CCDC122: variants seen among roughly 807,000 people sequenced by gnomAD.
CCDC122 encodes coiled-coil domain containing 122.
CCDC122 carries 38 observed loss-of-function variants against 37.0 expected under a neutral mutation model. That is an observed-to-expected ratio of 1.03 (90% CI 0.79 to 1.35). The LOEUF is 1.35. Among genes scored for constraint, CCDC122 ranks in the 40% most tolerant of loss-of-function variants. The probability of loss-of-function intolerance (pLI) is 0.00; values close to 1 mark genes in which losing one functional copy is unlikely to be tolerated. For missense variants in CCDC122, 305 were observed against 310.0 expected, an observed-to-expected ratio of 0.98 and a Z score of 0.12; for synonymous variants, 83 against 95.6, an observed-to-expected ratio of 0.87 and a Z score of 0.77.
intron 4 of CCDC122, among the ~76,000 whole-genome samples, chr13:43,865,044 G>A (rs1242560295): frequency 6.6e-6 from 1 of 152,160 alleles, no homozygotes; most frequent in Non-Finnish European, 1.5e-5. Context: ...GGAGCGCCCA[G>A]AGACAGCATA....
rs1198256391 is a variant in CCDC122 at position 43,869,407 on chromosome 13, T to C, written c.-31A>G. 1.8e-5 allele frequency: 28 copies of C among 1,563,584 alleles called. No individual in the cohort carries two copies. Among genetic ancestry groups the C allele is most frequent in the Non-Finnish European group, 2.4e-5 (27 of 1,141,166 alleles). ...GTGTCTGTAATCTCTTTTCCCCTTT[T>C]TGATTTACCTTCTTTACTCCTACTC... On this transcript the variant is annotated 5_prime_UTR_variant, in exon 3 of 7. Transcript: ENST00000444614.
chr13:43,876,908 C>T (rs9567294), intron 1 of CCDC122, among the ~76,000 whole-genome samples: 2,778 of 152,084 alleles, frequency 0.018, 61 homozygotes, highest in East Asian at 0.075. Flanking sequence ...GTCAGGAGTT[C>T]GAGACCATCC....
At chr13:43,835,038 T>C (rs985146465), downstream of CCDC122, among the ~76,000 whole-genome samples, 3 of 151,984 alleles carry the variant, frequency 2.0e-5, no homozygotes, top group Non-Finnish European at 2.9e-5. Flanking sequence ...CTATTCACAA[T>C]AGCAAAGACT....
intron 6 of CCDC122, among the ~76,000 whole-genome samples, chr13:43,853,263 C>G (rs1953802888): frequency 6.6e-6 from 1 of 152,024 alleles, no homozygotes; most frequent in African/African-American, 2.4e-5. Flanking sequence ...CAATGACACA[C>G]ATAGGCTCAA....
intron 6 of CCDC122, among the ~76,000 whole-genome samples, chr13:43,848,452 G>A (rs1463967316): frequency 6.6e-6 from 1 of 151,812 alleles, no homozygotes; most frequent in Non-Finnish European, 1.5e-5. Flanking sequence ...AGAAACCACT[G>A]ATTGTTGCTC....
At chr13:43,850,608 A>G (rs911640370) in intron 6 of CCDC122, among the ~76,000 whole-genome samples, 28 of 152,226 alleles carry the variant, frequency 1.8e-4, no homozygotes, top group African/African-American at 6.5e-4. Context: ...ATAGAAAGCT[A>G]AAGTTACTCA....
intron 2 of CCDC122, 61 bp from the exon 3 acceptor site, chr13:43,869,550 T>C: frequency 3.7e-6 from 2 of 546,964 alleles, no homozygotes; most frequent in Non-Finnish European, 6.3e-6. Flanking sequence ...TTATCATTAG[T>C]GCCAAGAATT....
intron 3 of CCDC122, among the ~76,000 whole-genome samples, chr13:43,829,530 T>C (rs9533642): frequency 0.083 from 12,566 of 152,162 alleles, 600 homozygotes; most frequent in African/African-American, 0.1. Context: ...GTTCTCGAAC[T>C]TCTGACCTCA....
chr13:43,820,579 C>T (rs9567271), downstream of CCDC122, among the ~76,000 whole-genome samples: 3,857 of 152,224 alleles, frequency 0.025, 118 homozygotes, highest in East Asian at 0.14. Flanking sequence ...AATTATAATG[C>T]TTTGAAAAGG....
At chr13:43,859,626 A>G (rs777952520) in intron 5 of CCDC122, 46 bp downstream of exon 5, 1 of 1,398,574 alleles carries the variant, frequency 7.2e-7, no homozygotes, top group Admixed American at 2.7e-5. Flanking sequence ...GTACTTGCAA[A>G]AAAGGAGTAA....
intron 6 of CCDC122, chr13:43,853,971 G>C (rs927261807): frequency 1.3e-5 from 2 of 152,164 alleles, no homozygotes; most frequent in African/African-American, 2.4e-5. Flanking sequence ...CAGAATCTCT[G>C]GGACACAGCT....
At chr13:43,829,310 A>C (rs1321711291) in intron 3 of CCDC122, among the ~76,000 whole-genome samples, 4 of 151,842 alleles carry the variant, frequency 2.6e-5, no homozygotes, top group Admixed American at 6.6e-5. Flanking sequence ...TTTTATTTTT[A>C]TTTTTATTTT....
chr13:43,844,620 T>C lies in CCDC122; in HGVS notation c.673-7191A>G, dbSNP rs891229594. ...GATATGACTATAGATCTGTCTCTTT[T>C]TTTCTTTGGTTCTGTTTGTTTTTGC... On this transcript the variant is annotated intron_variant, in intron 6 of 6. Coordinates refer to ENST00000444614, the MANE Select transcript of CCDC122 (RefSeq NM_144974.5). Among the ~76,000 whole-genome samples the C allele has an allele frequency of 2.0e-5, 3 of 152,116 alleles. No homozygotes were observed. The South Asian group carries it at 6.2e-4, about 31-fold the overall frequency.
chr13:43,844,491 A>G (rs1953452701), intron 6 of CCDC122, among the ~76,000 whole-genome samples: 1 of 152,014 alleles, frequency 6.6e-6, no homozygotes, highest in Non-Finnish European at 1.5e-5. Flanking sequence ...AGTGCTTTAT[A>G]AATGTTAATT....
At chr13:43,833,226 C>G (rs1358813467), downstream of CCDC122, among the ~76,000 whole-genome samples, 1 of 152,144 alleles carries the variant, frequency 6.6e-6, no homozygotes, top group East Asian at 1.9e-4. Context: ...GAGATATTAA[C>G]TGTGGGGTTT....
chr13:43,844,273 T>A (rs1953445986), intron 6 of CCDC122, among the ~76,000 whole-genome samples: 1 of 152,058 alleles, frequency 6.6e-6, no homozygotes, highest in Non-Finnish European at 1.5e-5. Flanking sequence ...ATTTTTCTCC[T>A]GATTTCTTCT....
intron 3 of CCDC122, among the ~76,000 whole-genome samples, chr13:43,830,079 T>G (rs1953075142): frequency 6.6e-6 from 1 of 151,664 alleles, no homozygotes; most frequent in South Asian, 2.1e-4. Flanking sequence ...TTTCACCACG[T>G]TGGCCAGGCT....
chr13:43,858,421 T>C (rs1182731033), intron 6 of CCDC122: 2 of 152,716 alleles, frequency 1.3e-5, no homozygotes, highest in Non-Finnish European at 2.9e-5. Context: ...TGTTTTATTC[T>C]ATTTTGAGGA....
rs1291319368 is a variant in CCDC122 at position 43,837,060 on chromosome 13, GACATTCCT to G, written c.*212_*219del. Reference sequence around the variant, plus strand: ...GAGACTCTTGCATTATTTTCCCGTAGACATTCCTATTGTCTGTCTACTGCTATCAAGTG... The same window carrying G: ...GAGACTCTTGCATTATTTTCCCGTAGATTGTCTGTCTACTGCTATCAAGTG... On this transcript the variant is annotated 3_prime_UTR_variant, in exon 7 of 7. Coordinates refer to ENST00000444614, the MANE Select transcript of CCDC122 (RefSeq NM_144974.5). 2.1e-6 allele frequency: 1 copy of G among 476,984 alleles called. No homozygotes were observed. The highest frequency in any genetic ancestry group is 3.7e-6 in the Non-Finnish European group (1 of 270,266). The allele number at this position is 476,984 out of a possible 1,614,324, so 29.5% of individuals were successfully genotyped here.
Sources: allele counts gnomAD v4.1 joint callset (sites outside exome capture counted in the v4.1 genomes callset), GRCh38; gene constraint gnomAD v4.1.1; transcripts MANE v1.5; gene names NCBI Gene and HGNC (gene_info 2026-07-23, HGNC 2026-07-21).